CNIH3: variants seen among roughly 807,000 people sequenced by gnomAD.
CNIH3 encodes the protein protein cornichon homolog 3.
CNIH3 carries 14 observed loss-of-function variants against 24.1 expected under a neutral mutation model. The observed-to-expected ratio is 0.58, with a 90% CI of 0.38 to 0.91. The LOEUF (loss-of-function observed/expected upper bound fraction) is 0.91, where lower values mean the gene tolerates loss of function less well. Among genes scored for constraint, CNIH3 ranks in the 40% least tolerant of loss-of-function variants. The probability of loss-of-function intolerance (pLI) is 0.00; values close to 1 mark genes in which losing one functional copy is unlikely to be tolerated. For missense variants in CNIH3, 178 were observed against 196.8 expected, an observed-to-expected ratio of 0.90 and a Z score of 0.57; for synonymous variants, 68 against 73.8, an observed-to-expected ratio of 0.92 and a Z score of 0.40.
intron 1 of CNIH3, among the ~76,000 whole-genome samples, chr1:224,447,311 C>T (rs1180477884): frequency 3.9e-5 from 6 of 152,142 alleles, no homozygotes; most frequent in African/African-American, 1.2e-4. Flanking sequence ...TCCTGGAGTC[C>T]CAAGGCCAGA....
intron 3 of CNIH3, among the ~76,000 whole-genome samples, chr1:224,558,071 T>A (rs1343426300): frequency 6.6e-6 from 1 of 152,204 alleles, no homozygotes; most frequent in East Asian, 1.9e-4. Context: ...GGTAAACCAT[T>A]TGGCCTGGGC....
rs1183655066 is a variant in CNIH3, at chr1:224,704,629, C to T, written c.198+19786C>T. On this transcript the variant is annotated intron_variant, in intron 3 of 5. Transcript: ENST00000272133. This position sits in a 1 kb window ranked among gnomAD's most constrained non-coding sequence, Gnocchi z 4.2. ...AGCACATACTTTTTTTTTGCTGGAC[C>T]ATTTAATTGTATACATCATGGATCT... 6.6e-6 allele frequency among the ~76,000 whole-genome samples: 1 copy of T among 152,018 alleles called. No individual in the cohort carries two copies. Among genetic ancestry groups the T allele is most frequent in the African/African-American group, 2.4e-5 (1 of 41,380 alleles).
intron 3 of CNIH3, among the ~76,000 whole-genome samples, chr1:224,597,117 A>G (rs944307975): frequency 6.6e-6 from 1 of 152,004 alleles, no homozygotes; most frequent in Admixed American, 6.6e-5. Flanking sequence ...GCACCATTGC[A>G]CTCCAGCCTG....
intron 3 of CNIH3, among the ~76,000 whole-genome samples, chr1:224,720,674 A>G (rs928812986): frequency 7.2e-5 from 11 of 152,102 alleles, no homozygotes; most frequent in Admixed American, 4.6e-4. Context: ...GAGGCAGAAG[A>G]TGACCTGTTT....
chr1:224,598,629 A>C (rs1572553349), intron 3 of CNIH3, among the ~76,000 whole-genome samples: 1 of 152,178 alleles, frequency 6.6e-6, no homozygotes, highest in South Asian at 2.1e-4. Flanking sequence ...TGACACAGCC[A>C]CCCCAACCTT....
chr1:224,530,585 A>C (rs887702417), intron 2 of CNIH3, among the ~76,000 whole-genome samples: 1 of 151,654 alleles, frequency 6.6e-6, no homozygotes, highest in Non-Finnish European at 1.5e-5. Flanking sequence ...TTTAAACCCT[A>C]CATTTCTTTT....
At chr1:224,595,041 G>GT (rs1681920092) in intron 3 of CNIH3, among the ~76,000 whole-genome samples, 1 of 152,108 alleles carries the variant, frequency 6.6e-6, no homozygotes, top group Non-Finnish European at 1.5e-5. Flanking sequence ...TCATGTCTCT[G>GT]TGTCATATTT....
chr1:224,579,906 C>A (rs780644298), intron 4 of CNIH3, among the ~76,000 whole-genome samples: 10 of 152,180 alleles, frequency 6.6e-5, no homozygotes, highest in Non-Finnish European at 1.2e-4. Context: ...TAAGCCTTTT[C>A]TTTTCTTTAT....
Position 224,684,675 on chromosome 1 carries a change from C to T in CNIH3, c.151-121C>T. The T allele has an allele frequency of 1.2e-6, 1 of 838,208 alleles. No individual in the cohort carries two copies. 51.9% of individuals were successfully genotyped at this position (838,208 alleles called of 1,614,324 possible). A position where few individuals can be genotyped will look rare whatever the true frequency, so the allele number is the denominator to read the frequency against. ...TGGGTGGGAGCATGCTGGCCATGTG[C>T]CCAGGAGGGGTCTCTGGTGGCTTCT... is the stretch of plus-strand genomic sequence containing the variant. On this transcript the variant is annotated intron_variant, in intron 2 of 5. Coordinates refer to ENST00000272133, the MANE Select transcript of CNIH3 (RefSeq NM_152495.2). This position sits in a 1 kb window ranked among gnomAD's most constrained non-coding sequence, Gnocchi z 4.2.
chr1:224,592,447 G>A (rs958276391), downstream of CNIH3, among the ~76,000 whole-genome samples: 2 of 152,212 alleles, frequency 1.3e-5, no homozygotes, highest in South Asian at 2.1e-4. Flanking sequence ...CATCAGTCTT[G>A]TGAGTTGTGG....
chr1:224,739,722 G>A lies in CNIH3; in HGVS notation c.*366G>A. The A allele has an allele frequency of 3.6e-6, 1 of 273,982 alleles. No individual in the cohort carries two copies. The highest frequency in any genetic ancestry group is 8.4e-5 in the South Asian group (1 of 11,860). The allele number at this position is 273,982 out of a possible 1,614,324, so 17.0% of individuals were successfully genotyped here. A position where few individuals can be genotyped will look rare whatever the true frequency, so the allele number is the denominator to read the frequency against. Reference sequence around the variant, plus strand: ...ACCTTGCAAGTTCAAATGAGTTCCTGGGAGCGGAGGCTGGAAGGCCACAAG... The same window carrying A: ...ACCTTGCAAGTTCAAATGAGTTCCTAGGAGCGGAGGCTGGAAGGCCACAAG... On this transcript the variant is annotated 3_prime_UTR_variant, in exon 6 of 6. Transcript: ENST00000272133.
intron 3 of CNIH3, chr1:224,565,229 T>G (rs553336384): frequency 1.3e-5 from 2 of 152,290 alleles, no homozygotes; most frequent in Admixed American, 1.3e-4. Context: ...TTGCAAAAAG[T>G]CTTATAGTTA....
chr1:224,707,972 C>T (rs1213370331), intron 3 of CNIH3, among the ~76,000 whole-genome samples: 1 of 152,176 alleles, frequency 6.6e-6, no homozygotes, highest in Non-Finnish European at 1.5e-5. Context: ...TTCCCACCAT[C>T]TCACTGTTGC....
rs543517617 is a variant in CNIH3 at position 224,435,278 on chromosome 1, C to G, written n.203+416C>G. 1.6e-5 allele frequency: 15 copies of G among 930,354 alleles called. No individual in the cohort carries two copies. In the African/African-American group the frequency reaches 2.7e-4, roughly 17 times the overall value. 57.6% of individuals were successfully genotyped at this position (930,354 alleles called of 1,614,324 possible). A position where few individuals can be genotyped will look rare whatever the true frequency, so the allele number is the denominator to read the frequency against. ...GGCCCCTCTCAATGGTAACCAGGACCGAAATCGGGTTTCACAACCTACTTG... is the reference window on the plus strand; with the variant it reads ...GGCCCCTCTCAATGGTAACCAGGACGGAAATCGGGTTTCACAACCTACTTG... On this transcript the variant is annotated intron_variant and non_coding_transcript_variant, in intron 1 of 5. Transcript: ENST00000471578.
chr1:224,483,340 ACT>A lies in CNIH3; in HGVS notation n.204-32398_204-32397del, dbSNP rs1424226097. The stretch of plus-strand genomic sequence containing the variant: ...ACTCCAGTCTGGGTGACAGAGTAAG[ACT>A]CTGTCTCAAAACAAAAACATAAAAC... On this transcript the variant is annotated intron_variant and non_coding_transcript_variant, in intron 1 of 5. Coordinates refer to the CNIH3 transcript ENST00000471578. Among the ~76,000 whole-genome samples, 4 of 151,246 alleles carry A rather than the reference ACT, an allele frequency of 2.6e-5. No individual in the cohort carries two copies. In the East Asian group the frequency reaches 7.8e-4, roughly 30 times the overall value.
chr1:224,646,600 C>T lies in CNIH3; in HGVS notation c.81+29345C>T, dbSNP rs144067475. On this transcript the variant is annotated intron_variant, in intron 1 of 5. Transcript: ENST00000272133. ...TTTGTATTTTTTGTAGAGACAGGGT[C>T]TTGCTCTGTTACCCAAGCTGGTCTC... Among the ~76,000 whole-genome samples the T allele has an allele frequency of 2.6e-3, 395 of 152,136 alleles. 1 individual carries two copies. Among genetic ancestry groups the T allele is most frequent in the African/African-American group, 8.3e-3 (345 of 41,502 alleles).
chr1:224,729,606 A>G (rs1689215291), intron 3 of CNIH3, among the ~76,000 whole-genome samples: 1 of 151,970 alleles, frequency 6.6e-6, no homozygotes, highest in Admixed American at 6.6e-5. Context: ...AAAATGGTGC[A>G]TTTATATCTG....
At chr1:224,605,568 T>A (rs181195101) in intron 3 of CNIH3, among the ~76,000 whole-genome samples, 2 of 152,356 alleles carry the variant, frequency 1.3e-5, no homozygotes, top group East Asian at 3.9e-4. Context: ...CCAGAGGTCA[T>A]AAGATTTGCA....
At chr1:224,546,741 C>T in intron 2 of CNIH3, 1 of 227,132 alleles carries the variant, frequency 4.4e-6, no homozygotes, top group Non-Finnish European at 7.3e-6. Context: ...AATGTATCTT[C>T]CAACTTTAAT....
Sources: gnomAD v4.1 joint callset for allele counts (sites outside exome capture counted in the v4.1 genomes callset) on GRCh38, gnomAD v4.1.1 for gene constraint, Gnocchi (gnomAD v3.1) non-coding constraint, MANE v1.5 for transcripts, NCBI Gene and HGNC (gene_info 2026-07-23, HGNC 2026-07-21) for gene names.